The following IL1RAPL1 variants were observed in gnomAD, a reference collection of about 807,000 sequenced individuals.
IL1RAPL1 encodes the protein interleukin 1 receptor accessory protein like 1.
Under a neutral mutation model 48.4 loss-of-function variants are expected in IL1RAPL1, and 3 were observed. The observed-to-expected ratio is 0.06, with a 90% CI of 0.03 to 0.16. The LOEUF is 0.16. IL1RAPL1 is among the 10% of genes least tolerant of loss of function. The pLI is 1.00. For synonymous variants in IL1RAPL1, 185 were observed against 187.7 expected (o/e 0.99, Z 0.12); for missense variants, 349 against 530.6 (o/e 0.66, Z 3.36).
At chrX:29,830,673 G>A (rs185721487) in intron 6 of IL1RAPL1, among the ~76,000 whole-genome samples, 6 of 110,246 alleles carry the variant, frequency 5.4e-5, no homozygotes, top group Admixed American at 2.9e-4. Flanking sequence ...GCCTTGTCTC[G>A]AACTCCTGGC....
chrX:28,868,152 A>G (rs1306765293), intron 2 of IL1RAPL1, among the ~76,000 whole-genome samples: 1 of 111,520 alleles, frequency 9.0e-6, no homozygotes, highest in Non-Finnish European at 1.9e-5. Context: ...GTCAAATCTT[A>G]GGGCCTATTT....
At chrX:29,805,412 CAT>C (rs771638810) in intron 6 of IL1RAPL1, among the ~76,000 whole-genome samples, 7 of 108,989 alleles carry the variant, frequency 6.4e-5, no homozygotes, top group Non-Finnish European at 1.3e-4. Flanking sequence ...CACACACACA[CAT>C]GCACGCACAC....
At chrX:29,282,208 G>A (rs1269044997) in intron 2 of IL1RAPL1, among the ~76,000 whole-genome samples, 1 of 112,297 alleles carries the variant, frequency 8.9e-6, no homozygotes, top group East Asian at 2.8e-4. Context: ...ATAAATAATA[G>A]AGGAATGGCT....
intron 6 of IL1RAPL1, among the ~76,000 whole-genome samples, chrX:29,815,237 G>A (rs1483445175): frequency 9.0e-6 from 1 of 111,372 alleles, no homozygotes; most frequent in Non-Finnish European, 1.9e-5. Flanking sequence ...CCATGTGTTT[G>A]TGTGATTTAT....
At chrX:29,666,634 C>T (rs912641468) in intron 5 of IL1RAPL1, among the ~76,000 whole-genome samples, 2 of 109,613 alleles carry the variant, frequency 1.8e-5, no homozygotes, top group African/African-American at 3.3e-5. Flanking sequence ...TGGAGAACCA[C>T]AAAACCGTTT....
Position 28,896,282 on chromosome X carries a change from G to A in IL1RAPL1, c.82+106857G>A, listed in dbSNP as rs184784783. Reference sequence around the variant, plus strand: ...GTTTGAGGGCTGGAATTTAATTTTTGGAGTTTTATTTAATGTCAGGAGCGG... The same window carrying A: ...GTTTGAGGGCTGGAATTTAATTTTTAGAGTTTTATTTAATGTCAGGAGCGG... On this transcript the variant is annotated intron_variant, in intron 2 of 10. Coordinates refer to ENST00000378993, the MANE Select transcript of IL1RAPL1 (RefSeq NM_014271.4). Among the ~76,000 whole-genome samples, 26 of 111,816 alleles carry A rather than the reference G, an allele frequency of 2.3e-4. No individual in the cohort carries two copies. The East Asian group carries it at 7.4e-3, about 32-fold the overall frequency.
chrX:29,618,113 G>C (rs751242172), intron 5 of IL1RAPL1, among the ~76,000 whole-genome samples: 2 of 111,356 alleles, frequency 1.8e-5, no homozygotes, highest in African/African-American at 3.3e-5. Context: ...TACAACAAAA[G>C]AATTCTGTAA....
chrX:29,471,552 G>C (rs1019478088), intron 5 of IL1RAPL1, among the ~76,000 whole-genome samples: 1 of 111,372 alleles, frequency 9.0e-6, no homozygotes, highest in African/African-American at 3.3e-5. Context: ...TAGAGATGAG[G>C]CTATGACACG....
chrX:29,319,364 A>ATTTTTTTTATTTTTTTTTTTTTT (rs1932786202), intron 3 of IL1RAPL1, among the ~76,000 whole-genome samples: 2 of 58,137 alleles, frequency 3.4e-5, no homozygotes, highest in Non-Finnish European at 6.1e-5. Flanking sequence ...GATAAATTTA[A>ATTTTTTTTATTTTTTTTTTTTTT]TTTTTTTTTT....
At chrX:29,217,723 C>T (rs1421942552) in intron 2 of IL1RAPL1, among the ~76,000 whole-genome samples, 1 of 107,883 alleles carries the variant, frequency 9.3e-6, no homozygotes, top group Non-Finnish European at 1.9e-5. Flanking sequence ...ACTTAGAAAA[C>T]ACAAATCATC....
chrX:28,637,522 C>G (rs1219541890), intron 1 of IL1RAPL1, among the ~76,000 whole-genome samples: 1 of 111,653 alleles, frequency 9.0e-6, no homozygotes, highest in Non-Finnish European at 1.9e-5. Flanking sequence ...AAGGTAGGCT[C>G]TCAGTATGAA....
chrX:29,443,870 G>T, intron 5 of IL1RAPL1, among the ~76,000 whole-genome samples: 1 of 111,360 alleles, frequency 9.0e-6, no homozygotes. Context: ...TGATGAAAGG[G>T]GTCCCAGAAA....
At chrX:29,296,588 T>G (rs748294406) in intron 3 of IL1RAPL1, among the ~76,000 whole-genome samples, 11 of 109,841 alleles carry the variant, frequency 1.0e-4, no homozygotes, top group African/African-American at 3.3e-4. Flanking sequence ...ATGTTAATAC[T>G]TTCAGTACCA....
chrX:29,300,911 C>T (rs762101302), intron 3 of IL1RAPL1, among the ~76,000 whole-genome samples: 24 of 111,272 alleles, frequency 2.2e-4, no homozygotes, highest in Non-Finnish European at 4.1e-4. Context: ...AATCGCCCCC[C>T]CTGGAGGAAA....
chrX:29,410,462 A>G (rs939665882), intron 5 of IL1RAPL1, among the ~76,000 whole-genome samples: 5 of 105,792 alleles, frequency 4.7e-5, no homozygotes, highest in African/African-American at 1.0e-4. Context: ...CTCTGTGTCA[A>G]AAAAAAAAAA....
chrX:28,777,674 G>A (rs1936374650), intron 1 of IL1RAPL1, among the ~76,000 whole-genome samples: 2 of 111,025 alleles, frequency 1.8e-5, no homozygotes, highest in Non-Finnish European at 3.8e-5. Flanking sequence ...TGTGCTCCAT[G>A]GCCTCAGAAT....
At chrX:29,581,808 C>T (rs1051650096) in intron 5 of IL1RAPL1, among the ~76,000 whole-genome samples, 1 of 111,374 alleles carries the variant, frequency 9.0e-6, no homozygotes, top group African/African-American at 3.3e-5. Flanking sequence ...GACAACTCCC[C>T]AGAAAGATGA....
intron 5 of IL1RAPL1, among the ~76,000 whole-genome samples, chrX:29,468,969 C>T (rs964899672): frequency 9.0e-6 from 1 of 111,731 alleles, no homozygotes; most frequent in African/African-American, 3.3e-5. Context: ...AGCATTGGCA[C>T]CTCTTCACAA....
At chrX:29,844,027 T>C (rs2147194986) in intron 6 of IL1RAPL1, among the ~76,000 whole-genome samples, 1 of 111,765 alleles carries the variant, frequency 8.9e-6, no homozygotes, top group South Asian at 3.8e-4. Context: ...GTTTTGGGGA[T>C]CATTATTTTG....
Sources: gnomAD v4.1 joint callset for allele counts (sites outside exome capture counted in the v4.1 genomes callset) on GRCh38, gnomAD v4.1.1 for gene constraint, MANE v1.5 for transcripts, NCBI Gene and HGNC (gene_info 2026-07-23, HGNC 2026-07-21) for gene names.